Variants in FSIP2 observed in about 807,000 individuals in gnomAD.
FSIP2 encodes the protein fibrous sheath-interacting protein 2.
FSIP2 carries 367 observed loss-of-function variants against 510.5 expected under a neutral mutation model. The ratio of observed to expected loss-of-function variants is 0.72; its 90% CI spans 0.66 to 0.78. The LOEUF (loss-of-function observed/expected upper bound fraction) is 0.78, where lower values mean the gene tolerates loss of function less well. FSIP2 is among the 30% of genes least tolerant of loss of function. The pLI is 0.00. For synonymous variants in FSIP2, 2,601 were observed against 2,732.2 expected (o/e 0.95, Z 1.50); for missense variants, 7,594 against 7,901.7 (o/e 0.96, Z 1.48).
Position 185,804,963 on chromosome 2 carries a change from C to A in FSIP2, c.15657C>A (p.Phe5219Leu). ...ATGCAGACAAAAAAGGATGCTCATT[C>A]CTCAGTAAATTAGCTGGTTTTATTA... ...QKDADKKGCSFLSKLAGFIMK... is the reference protein window; with the variant it reads ...QKDADKKGCSLLSKLAGFIMK... The change falls in exon 17 of 23, where the codon TTC becomes TTA. Residue 5219 changes from phenylalanine to leucine, a missense_variant. Phe to Leu is a conservative substitution (Grantham distance 22). Coordinates refer to ENST00000424728, the MANE Select transcript of FSIP2 (RefSeq NM_173651.4). 2 of 1,539,494 alleles carry A rather than the reference C, an allele frequency of 1.3e-6. No individual in the cohort carries two copies. Among genetic ancestry groups the A allele is most frequent in the Non-Finnish European group, 1.7e-6 (2 of 1,148,312 alleles).
chr2:185,785,832 C>T (rs941056104), intron 14 of FSIP2, among the ~76,000 whole-genome samples: 7 of 151,838 alleles, frequency 4.6e-5, no homozygotes, highest in South Asian at 2.1e-4. Context: ...GGCATTTGAA[C>T]GAGTAAATAA....
upstream of FSIP2, chr2:185,738,720 TCA>T: frequency 6.5e-7 from 1 of 1,536,032 alleles, no homozygotes; most frequent in Non-Finnish European, 8.7e-7. Flanking sequence ...GAGCCGCCCC[TCA>T]GGAGGCCACC....
rs1454164791 is a variant in FSIP2 at position 185,804,872 on chromosome 2, A to C, written c.15566A>C (p.Asn5189Thr). 6.6e-7 allele frequency: 1 copy of C among 1,523,418 alleles called. No homozygotes were observed. The highest frequency in any genetic ancestry group is 8.8e-7 in the Non-Finnish European group (1 of 1,141,860). 94.4% of individuals were successfully genotyped at this position (1,523,418 alleles called of 1,614,324 possible). A position where few individuals can be genotyped will look rare whatever the true frequency, so the allele number is the denominator to read the frequency against. ...AGTATGCAGTTAGAACCTATTGAAAATTTGGTCGACTCCATATGTAATAAT... is the reference window on the plus strand; with the variant it reads ...AGTATGCAGTTAGAACCTATTGAAACTTTGGTCGACTCCATATGTAATAAT... Reference protein sequence around the residue: ...AESMQLEPIENLVDSICNNIL... With the variant: ...AESMQLEPIETLVDSICNNIL... Residue 5189 changes from asparagine to threonine, a missense_variant, in exon 17 of 23, where the codon AAT (asparagine) becomes ACT (threonine). Coordinates refer to ENST00000424728, the MANE Select transcript of FSIP2 (RefSeq NM_173651.4).
chr2:185,824,350 G>C, intron 19 of FSIP2, 84 bp from the exon 20 acceptor site: 1 of 860,488 alleles, frequency 1.2e-6, no homozygotes, highest in East Asian at 2.5e-5. Context: ...TTTCCATATG[G>C]AGAATAACTG....
rs1311472721 is a variant in FSIP2, at chr2:185,802,350, A to G, written c.13044A>G (p.Lys4348=). Residue 4348 remains lysine (K), a synonymous_variant, in exon 17 of 23, where the codon AAA becomes AAG. Coordinates refer to ENST00000424728, the MANE Select transcript of FSIP2 (RefSeq NM_173651.4). ...ACTCCATAAATAGGCATTTCAATAA[A>G]GCTAAAATTCACATTCTCTATGATG... ...IVNSINRHFN[K]AKIHILYDDK... 6.5e-7 allele frequency: 1 copy of G among 1,533,184 alleles called. No homozygotes were observed. Among genetic ancestry groups the G allele is most frequent in the Non-Finnish European group, 8.7e-7 (1 of 1,145,268 alleles). The allele number at this position is 1,533,184 out of a possible 1,614,324, so 95.0% of individuals were successfully genotyped here.
At position 185,807,738 on chromosome 2, in the gene FSIP2, G is replaced by A; in HGVS notation, c.18432G>A (p.Val6144=). Residue 6144 remains valine (V), a synonymous_variant, in exon 17 of 23, where the codon GTG becomes GTA. Transcript: ENST00000424728. ...GAGAGCTAACTCCACATCAGTGTGT[G>A]GAAGTTGAAAACATCGTTGAAAAGA... ...FCGELTPHQC[V]EVENIVEKIL... is the part of the protein sequence containing the mutation. 1 of 1,612,230 alleles carries A rather than the reference G, an allele frequency of 6.2e-7. No homozygotes were observed. The highest frequency in any genetic ancestry group is 2.2e-5 in the East Asian group (1 of 44,794).
intron 16 of FSIP2, 167 bp downstream of exon 16, chr2:185,797,693 A>G: frequency 1.5e-6 from 1 of 678,798 alleles, no homozygotes; most frequent in Non-Finnish European, 2.6e-6. Context: ...TTTTAAATGT[A>G]TTATTTTATT....
In FSIP2 at chr2:185,805,412, A is replaced by T. The variant is rs780546289; in HGVS notation, c.16106A>T (p.Gln5369Leu). The T allele has an allele frequency of 1.2e-6, 2 of 1,602,734 alleles. No individual in the cohort carries two copies. The highest frequency in any genetic ancestry group is 4.5e-5 in the East Asian group (2 of 44,724). The part of the protein sequence containing the change: ...FIEKCTSHDI[Q>L]KGDESNIAIG... ...GAAAAATGCACATCTCATGATATTC[A>T]AAAAGGTGATGAAAGTAACATTGCT... The change falls in exon 17 of 23, where the codon CAA (glutamine) becomes CTA (leucine). Residue 5369 changes from glutamine to leucine, a missense_variant. By Grantham distance (113) the Gln-to-Leu change is moderately radical. Transcript: ENST00000424728.
rs916463511 is a variant in FSIP2, at chr2:185,792,893, T to A, written c.5757T>A (p.Asp1919Glu). The A allele has an allele frequency of 1.2e-5, 18 of 1,534,180 alleles. No homozygotes were observed. The Admixed American group carries it at 1.2e-4, about 10-fold the overall frequency. ...AGACAAAGGTAAATCTAGCTGAAGA[T>A]ATTGTACAGGCAATATTAACAAATT... Reference protein sequence around the residue: ...DKETKVNLAEDIVQAILTNLE... With the variant: ...DKETKVNLAEEIVQAILTNLE... The change falls in exon 16 of 23, where the codon GAT (aspartate) becomes GAA (glutamate). Residue 1919 changes from aspartate to glutamate, a missense_variant. By Grantham distance (45) the Asp-to-Glu change is conservative. Coordinates refer to ENST00000424728, the MANE Select transcript of FSIP2 (RefSeq NM_173651.4).
rs1276400110 is a variant in FSIP2 at position 185,763,272 on chromosome 2, G to T, written c.1330G>T (p.Asp444Tyr). ...NFSRVSQAFLDPSKEEKETNA... is the reference protein window; with the variant it reads ...NFSRVSQAFLYPSKEEKETNA... ...TTCCAGAGTTTCACAGGCATTTTTG[G>T]ATCCTTCAAAAGAAGAGGTATATAA... The change falls in exon 12 of 23, where the codon GAT becomes TAT. Residue 444 changes from aspartate (D) to tyrosine (Y), a missense_variant. Transcript: ENST00000424728. 2.4e-5 allele frequency: 36 copies of T among 1,471,514 alleles called. No homozygotes were observed. Among genetic ancestry groups the T allele is most frequent in the Admixed American group, 9.9e-5 (5 of 50,694 alleles). The allele number at this position is 1,471,514 out of a possible 1,614,324, so 91.2% of individuals were successfully genotyped here. A position where few individuals can be genotyped will look rare whatever the true frequency, so the allele number is the denominator to read the frequency against.
At position 185,793,659 on chromosome 2, in the gene FSIP2, A is replaced by G; in HGVS notation, c.6523A>G (p.Ile2175Val). Reference sequence around the variant, plus strand: ...TCTCAGTTCTGCTGCCACGCTTGTCATAAATGCAAAGAATCCTACTTCTGC... The same window carrying G: ...TCTCAGTTCTGCTGCCACGCTTGTCGTAAATGCAAAGAATCCTACTTCTGC... ...HNLSSAATLV[I>V]NAKNPTSARL... The change falls in exon 16 of 23, where the codon ATA becomes GTA. Residue 2175 changes from isoleucine to valine, a missense_variant. By Grantham distance (29) the Ile-to-Val change is conservative. Transcript: ENST00000424728. 4 of 1,534,790 alleles carry G rather than the reference A, an allele frequency of 2.6e-6. No individual in the cohort carries two copies. The highest frequency in any genetic ancestry group is 3.5e-6 in the Non-Finnish European group (4 of 1,145,852).
rs1185210849 is a variant in FSIP2 at position 185,833,171 on chromosome 2, A to G, written c.20669A>G (p.Gln6890Arg). ...TCAACTTTGTCAAAGGTGTTTTCTCAATGTAACACCAATATTTCCAGATCT... is the reference window on the plus strand; with the variant it reads ...TCAACTTTGTCAAAGGTGTTTTCTCGATGTAACACCAATATTTCCAGATCT... ...MSSTLSKVFS[Q>R]CNTNISRSSS... The change falls in exon 23 of 23, where the codon CAA (glutamine) becomes CGA (arginine). Residue 6890 changes from glutamine (Q) to arginine (R), a missense_variant. Gln to Arg is a conservative substitution (Grantham distance 43). Coordinates refer to ENST00000424728, the MANE Select transcript of FSIP2 (RefSeq NM_173651.4). The G allele has an allele frequency of 5.6e-6, 9 of 1,610,022 alleles. No homozygotes were observed. The African/African-American group carries it at 1.2e-4, about 22-fold the overall frequency.
chr2:185,746,891 G>A, intron 6 of FSIP2, 81 bp downstream of exon 6: 1 of 998,428 alleles, frequency 1.0e-6, no homozygotes, highest in African/African-American at 1.6e-5. Context: ...ACTGTACATT[G>A]TGCTGCTTGA....
rs761833322 is a variant in FSIP2 at position 185,813,958 on chromosome 2, A to G, written c.20241A>G (p.Arg6747=). ...AATCCAAGGAGACACATGTTAAAAG[A>G]GCTGTTGCTGAGCTTGACATGGCCA... is the stretch of plus-strand genomic sequence containing the variant. ...VIESKETHVK[R]AVAELDMATP... Residue 6747 remains arginine (R), a synonymous_variant, in exon 18 of 23, where the codon AGA becomes AGG. Transcript: ENST00000424728. 3 of 1,613,510 alleles carry G rather than the reference A, an allele frequency of 1.9e-6. No individual in the cohort carries two copies. The highest frequency in any genetic ancestry group is 2.5e-6 in the Non-Finnish European group (3 of 1,179,632).
intron 7 of FSIP2, among the ~76,000 whole-genome samples, chr2:185,748,513 C>T (rs1423607187): frequency 6.6e-6 from 1 of 151,810 alleles, no homozygotes; most frequent in Non-Finnish European, 1.5e-5. Flanking sequence ...CCAAGTTGTC[C>T]TCTTCATTTT....
Position 185,788,963 on chromosome 2 carries a change from A to G in FSIP2, c.1827A>G (p.Thr609=). The change falls in exon 16 of 23, where the codon ACA becomes ACG. Residue 609 remains threonine (T), a synonymous_variant. Transcript: ENST00000424728. ...IKPPPAHVEK[T]VVGKTCHIKG... ...CTCCTCCTGCACATGTGGAAAAAACAGTTGTGGGGAAAACATGTCACATAA... is the reference window on the plus strand; with the variant it reads ...CTCCTCCTGCACATGTGGAAAAAACGGTTGTGGGGAAAACATGTCACATAA... 1.3e-6 allele frequency: 2 copies of G among 1,534,844 alleles called. No homozygotes were observed. The highest frequency in any genetic ancestry group is 1.7e-6 in the Non-Finnish European group (2 of 1,145,920).
At chr2:185,817,371 G>C (rs988457419) in intron 19 of FSIP2, among the ~76,000 whole-genome samples, 2 of 151,978 alleles carry the variant, frequency 1.3e-5, no homozygotes, top group African/African-American at 2.4e-5. Context: ...AAACACCTTC[G>C]GCAGAAATTA....
At position 185,793,737 on chromosome 2, in the gene FSIP2, C is replaced by A; in HGVS notation, c.6601C>A (p.Pro2201Thr). Residue 2201 changes from proline (P) to threonine (T), a missense_variant, in exon 16 of 23, where the codon CCT (proline) becomes ACT (threonine). Transcript: ENST00000424728. ...DTFPKIDCQQ[P>T]LKGSKTERKT... ...GTTTCCAAAAATAGACTGTCAACAG[C>A]CTCTTAAGGGGTCAAAAACTGAAAG... The A allele has an allele frequency of 6.5e-7, 1 of 1,534,104 alleles. No individual in the cohort carries two copies. The highest frequency in any genetic ancestry group is 1.4e-5 in the African/African-American group (1 of 72,924).
rs777498101 is a variant in FSIP2 at position 185,808,558 on chromosome 2, A to G, written c.19252A>G (p.Ile6418Val). Residue 6418 changes from isoleucine (I) to valine (V), a missense_variant, in exon 17 of 23, where the codon ATT (isoleucine) becomes GTT (valine). Ile to Val is a conservative substitution (Grantham distance 29). Transcript: ENST00000424728. Reference protein sequence around the residue: ...HCLNPENTERIYQVVDSVYSN... With the variant: ...HCLNPENTERVYQVVDSVYSN... Reference sequence around the variant, plus strand: ...TTTAAATCCAGAAAATACAGAAAGGATTTATCAGGTTGTCGATTCCGTTTA... The same window carrying G: ...TTTAAATCCAGAAAATACAGAAAGGGTTTATCAGGTTGTCGATTCCGTTTA... The G allele has an allele frequency of 6.2e-6, 10 of 1,612,546 alleles. 1 individual carries two copies. In the South Asian group the frequency reaches 1.1e-4, roughly 18 times the overall value.
Sources: gnomAD v4.1 joint callset for allele counts (sites outside exome capture counted in the v4.1 genomes callset) on GRCh38, gnomAD v4.1.1 for gene constraint, MANE v1.5 for transcripts, NCBI Gene and HGNC (gene_info 2026-07-23, HGNC 2026-07-21) for gene names.